KIRREL3: variants seen among roughly 807,000 people sequenced by gnomAD.
KIRREL3 encodes kirre like nephrin family adhesion molecule 3, also known as kin of IRRE-like protein 3.
KIRREL3 carries 36 observed loss-of-function variants against 89.7 expected under a neutral mutation model. That is an observed-to-expected ratio of 0.40 (90% CI 0.31 to 0.53). KIRREL3 has a LOEUF of 0.53. KIRREL3 is among the 20% of genes least tolerant of loss of function. The pLI is 0.49. For synonymous variants in KIRREL3, 445 were observed against 441.4 expected (o/e 1.01, Z -0.10); for missense variants, 864 against 1,056.6 (o/e 0.82, Z 2.53).
intron 5 of KIRREL3, among the ~76,000 whole-genome samples, chr11:126,465,132 C>G (rs1344921420): frequency 2.6e-5 from 4 of 152,090 alleles, no homozygotes; most frequent in Non-Finnish European, 5.9e-5. Context: ...GCAAAGGCTT[C>G]TGCTACTAGG....
chr11:126,592,662 C>T (rs1942196494), intron 1 of KIRREL3, among the ~76,000 whole-genome samples: 1 of 152,204 alleles, frequency 6.6e-6, no homozygotes, highest in Admixed American at 6.5e-5. Flanking sequence ...AACAGCGCGC[C>T]TGGGGCCAGA....
Position 126,475,474 on chromosome 11 carries a change from T to C in KIRREL3, c.434-2008A>G, listed in dbSNP as rs917549926. Among the ~76,000 whole-genome samples, 4 of 152,132 alleles carry C rather than the reference T, an allele frequency of 2.6e-5. No individual in the cohort carries two copies. The highest frequency in any genetic ancestry group is 5.9e-5 in the Non-Finnish European group (4 of 68,008). On this transcript the variant is annotated intron_variant, in intron 4 of 16. Coordinates refer to ENST00000525144, the MANE Select transcript of KIRREL3 (RefSeq NM_032531.4). This position sits in a 1 kb window ranked among gnomAD's most constrained non-coding sequence, Gnocchi z 7.5. ...CGGCCTTGGAGGCCTGCTCCCACAC[T>C]AACAGCACAGCAGTGCCATTTCCTG...
Position 126,555,364 on chromosome 11 carries a change from A to G in KIRREL3, c.133+7471T>C, listed in dbSNP as rs1354935201. Among the ~76,000 whole-genome samples the G allele has an allele frequency of 1.3e-5, 2 of 152,248 alleles. No homozygotes were observed. The highest frequency in any genetic ancestry group is 2.9e-5 in the Non-Finnish European group (2 of 68,042). On this transcript the variant is annotated intron_variant, in intron 2 of 16. Coordinates refer to ENST00000525144, the MANE Select transcript of KIRREL3 (RefSeq NM_032531.4). This position sits in a 1 kb window ranked among gnomAD's most constrained non-coding sequence, Gnocchi z 4.2. ...CCCATCTCATTAGTAAATAATTGCA[A>G]TATGAATGTATATGTACAAACTGAA...
chr11:126,562,934 G>A lies in KIRREL3; in HGVS notation c.56-22C>T, dbSNP rs1159454561. Reference sequence around the variant, plus strand: ...AGCTCTGGAAGAGAAGCATAGGTGGGTGAGTTGGGAATGGGAACAGGTCAG... The same window carrying A: ...AGCTCTGGAAGAGAAGCATAGGTGGATGAGTTGGGAATGGGAACAGGTCAG... On this transcript the variant is annotated intron_variant, in intron 1 of 16. Transcript: ENST00000525144. This position sits in a 1 kb window ranked among gnomAD's most constrained non-coding sequence, Gnocchi z 4.7. 1 of 1,604,642 alleles carries A rather than the reference G, an allele frequency of 6.2e-7. No individual in the cohort carries two copies.
chr11:126,967,330 C>T (rs1417045104), intron 1 of KIRREL3, among the ~76,000 whole-genome samples: 2 of 152,254 alleles, frequency 1.3e-5, no homozygotes, highest in South Asian at 2.1e-4. Flanking sequence ...GCCCCTGGAA[C>T]CTTAGAGAAC....
intron 1 of KIRREL3, among the ~76,000 whole-genome samples, chr11:126,654,735 G>A (rs1591887679): frequency 6.6e-6 from 1 of 152,026 alleles, no homozygotes; most frequent in Non-Finnish European, 1.5e-5. Context: ...GACTCTTGAA[G>A]GTCAATGGAT....
At position 126,978,230 on chromosome 11, in the gene KIRREL3, AT is replaced by A. The variant is rs1446745634; in HGVS notation, c.55+22224del. Among the ~76,000 whole-genome samples, 5 of 151,884 alleles carry A rather than the reference AT, an allele frequency of 3.3e-5. No individual in the cohort carries two copies. Reference sequence around the variant, plus strand: ...GCTTCTGCCCTTCCTCTTCTCCAACATTTTCTTTGAAAGGTGACCCTGCTCC... The same window carrying A: ...GCTTCTGCCCTTCCTCTTCTCCAACATTTCTTTGAAAGGTGACCCTGCTCC... On this transcript the variant is annotated intron_variant, in intron 1 of 16. Coordinates refer to ENST00000525144, the MANE Select transcript of KIRREL3 (RefSeq NM_032531.4). This position sits in a 1 kb window ranked among gnomAD's most constrained non-coding sequence, Gnocchi z 4.2.
intron 4 of KIRREL3, among the ~76,000 whole-genome samples, chr11:126,504,372 A>G (rs1042742056): frequency 6.6e-6 from 1 of 152,144 alleles, no homozygotes; most frequent in Non-Finnish European, 1.5e-5. Context: ...TCGATCCTCT[A>G]TTGAGAACCC....
intron 1 of KIRREL3, among the ~76,000 whole-genome samples, chr11:126,923,270 C>T (rs1192736875): frequency 1.7e-4 from 14 of 83,984 alleles, no homozygotes; most frequent in African/African-American, 4.2e-4. Flanking sequence ...TCTTCTTCTC[C>T]TTCTCCTTCT....
At chr11:126,800,631 G>A (rs1843153098) in intron 1 of KIRREL3, among the ~76,000 whole-genome samples, 1 of 152,156 alleles carries the variant, frequency 6.6e-6, no homozygotes, top group East Asian at 1.9e-4. Context: ...GCATTTGATA[G>A]TGCAACCTTC....
chr11:126,898,457 A>G lies in KIRREL3; in HGVS notation c.55+101998T>C, dbSNP rs58071121. 0.029 allele frequency among the ~76,000 whole-genome samples: 4,451 copies of G among 152,290 alleles called. 223 individuals are homozygous for G. Among genetic ancestry groups the G allele is most frequent in the African/African-American group, 0.1 (4,266 of 41,536 alleles). ...TCTCACACAGTGGGAAATTAGAAGA[A>G]ACCTGGAGATGCAACAAAACAGAAT... is the stretch of plus-strand genomic sequence containing the variant. On this transcript the variant is annotated intron_variant, in intron 1 of 16. Coordinates refer to ENST00000525144, the MANE Select transcript of KIRREL3 (RefSeq NM_032531.4). The surrounding 1 kb of genome is among the most constrained non-coding windows in gnomAD (Gnocchi z 4.9).
intron 1 of KIRREL3, among the ~76,000 whole-genome samples, chr11:126,998,273 T>C (rs1468305871): frequency 6.6e-6 from 1 of 152,200 alleles, no homozygotes; most frequent in Non-Finnish European, 1.5e-5. Flanking sequence ...CCATATCACA[T>C]TGCAGTGAAG....
chr11:126,647,708 A>C lies in KIRREL3; in HGVS notation c.56-84796T>G, dbSNP rs146693160. On this transcript the variant is annotated intron_variant, in intron 1 of 16. Transcript: ENST00000525144. The surrounding 1 kb of genome is among the most constrained non-coding windows in gnomAD (Gnocchi z 4.9). ...CCTGGATGGCGGCCAGAGCCTCCTA[A>C]TTGGTCTCGCAGCTTCCATCCTTGT... Among the ~76,000 whole-genome samples, 63 of 152,214 alleles carry C rather than the reference A, an allele frequency of 4.1e-4. No homozygotes were observed. The highest frequency in any genetic ancestry group is 1.4e-3 in the African/African-American group (60 of 41,532).
chr11:126,585,550 C>T (rs1436810596), intron 1 of KIRREL3, among the ~76,000 whole-genome samples: 2 of 152,158 alleles, frequency 1.3e-5, no homozygotes, highest in African/African-American at 4.8e-5. Flanking sequence ...TAACCTTCAC[C>T]AGGATAGTTT....
chr11:126,610,177 G>A lies in KIRREL3; in HGVS notation c.56-47265C>T, dbSNP rs894812081. ...AAGATCTCGGCTCACTGCAACCTTC[G>A]CCTCCCAGGTTCAAGCGATTCTCCT... On this transcript the variant is annotated intron_variant, in intron 1 of 16. Coordinates refer to ENST00000525144, the MANE Select transcript of KIRREL3 (RefSeq NM_032531.4). This position sits in a 1 kb window ranked among gnomAD's most constrained non-coding sequence, Gnocchi z 4.6. Among the ~76,000 whole-genome samples, 1 of 151,708 alleles carries A rather than the reference G, an allele frequency of 6.6e-6. No homozygotes were observed. The highest frequency in any genetic ancestry group is 1.5e-5 in the Non-Finnish European group (1 of 67,982).
intron 1 of KIRREL3, among the ~76,000 whole-genome samples, chr11:126,731,089 A>C (rs1182324570): frequency 6.6e-6 from 1 of 152,088 alleles, no homozygotes; most frequent in Non-Finnish European, 1.5e-5. Flanking sequence ...GTTCCCCTTC[A>C]AGCCACTCTC....
chr11:126,458,962 T>C (rs898819791), intron 6 of KIRREL3, among the ~76,000 whole-genome samples: 10 of 152,144 alleles, frequency 6.6e-5, no homozygotes, highest in African/African-American at 2.2e-4. Context: ...CTGGCTGATC[T>C]GGGCGTCCGT....
In KIRREL3 at chr11:126,614,034, T is replaced by C. The variant is rs1943246843; in HGVS notation, c.56-51122A>G. Among the ~76,000 whole-genome samples, 1 of 152,126 alleles carries C rather than the reference T, an allele frequency of 6.6e-6. No individual in the cohort carries two copies. Among genetic ancestry groups the C allele is most frequent in the African/African-American group, 2.4e-5 (1 of 41,370 alleles). On this transcript the variant is annotated intron_variant, in intron 1 of 16. Transcript: ENST00000525144. This position sits in a 1 kb window ranked among gnomAD's most constrained non-coding sequence, Gnocchi z 4.6. The stretch of plus-strand genomic sequence containing the variant: ...CTTGATTTATGATGAGGTTCTTTTC[T>C]GTGTAATTCTTTTGGCTGAAAACTG...
chr11:126,465,219 A>G (rs1289118685), intron 5 of KIRREL3, among the ~76,000 whole-genome samples: 1 of 151,500 alleles, frequency 6.6e-6, no homozygotes, highest in Non-Finnish European at 1.5e-5. Context: ...TGAACAGACC[A>G]CTCCTCCCTC....
Sources: gnomAD v4.1 joint callset for allele counts (sites outside exome capture counted in the v4.1 genomes callset) on GRCh38, gnomAD v4.1.1 for gene constraint, Gnocchi (gnomAD v3.1) non-coding constraint, MANE v1.5 for transcripts, NCBI Gene and HGNC (gene_info 2026-07-23, HGNC 2026-07-21) for gene names.